GRIK5: variants seen among roughly 807,000 people sequenced by gnomAD.
GRIK5 encodes the protein glutamate ionotropic receptor kainate type subunit 5.
GRIK5 carries 43 observed loss-of-function variants against 97.4 expected under a neutral mutation model. The ratio of observed to expected loss-of-function variants is 0.44; its 90% CI spans 0.35 to 0.57. GRIK5 has a LOEUF of 0.57. Among genes scored for constraint, GRIK5 ranks in the 20% least tolerant of loss-of-function variants. GRIK5 has a pLI of 0.01. For synonymous variants in GRIK5, 580 were observed against 583.5 expected, an observed-to-expected ratio of 0.99 and a Z score of 0.09; for missense variants, 1,015 against 1,382.0, an observed-to-expected ratio of 0.73 and a Z score of 4.21.
intron 12 of GRIK5, among the ~76,000 whole-genome samples, chr19:42,039,712 T>C (rs188893609): frequency 6.6e-6 from 1 of 152,034 alleles, no homozygotes; most frequent in East Asian, 1.9e-4. Flanking sequence ...ATAACAATAA[T>C]AAAAATAGTA....
At position 42,033,275 on chromosome 19, in the gene GRIK5, G is replaced by A. The variant is rs139406326; in HGVS notation, c.1473+9277C>T. 5.6e-3 allele frequency among the ~76,000 whole-genome samples: 784 copies of A among 139,558 alleles called. 10 individuals are homozygous for A. Among genetic ancestry groups the A allele is most frequent in the African/African-American group, 0.02 (754 of 36,856 alleles). 91.6% of individuals were successfully genotyped at this position (139,558 alleles called of 152,430 possible). A position where few individuals can be genotyped will look rare whatever the true frequency, so the allele number is the denominator to read the frequency against. On this transcript the variant is annotated intron_variant, in intron 12 of 19. Transcript: ENST00000593562. Reference sequence around the variant, plus strand: ...GGAGGCTGCAGTGAACCGAGATCATGCCACTGCACTCCAGCCTGGGCGAGA... The same window carrying A: ...GGAGGCTGCAGTGAACCGAGATCATACCACTGCACTCCAGCCTGGGCGAGA...
intron 15 of GRIK5, among the ~76,000 whole-genome samples, chr19:42,015,441 T>C (rs2075612746): frequency 1.3e-5 from 2 of 152,216 alleles, no homozygotes; most frequent in African/African-American, 4.8e-5. Flanking sequence ...ATTAAAGTCC[T>C]CTAGAGAATG....
Position 42,065,473 on chromosome 19 carries a change from G to C in GRIK5, c.80-86C>G. 7.2e-7 allele frequency: 1 copy of C among 1,386,434 alleles called. No individual in the cohort carries two copies. The highest frequency in any genetic ancestry group is 2.2e-5 in the Admixed American group (1 of 45,670). 85.9% of individuals were successfully genotyped at this position (1,386,434 alleles called of 1,614,324 possible). ...GTCTTAGACTCCAGGGCTCTAGGGT[G>C]AGGTGGGTATACGGACCAGGGGTCT... is the stretch of plus-strand genomic sequence containing the variant. On this transcript the variant is annotated intron_variant, in intron 2 of 19. Coordinates refer to ENST00000593562, the MANE Select transcript of GRIK5 (RefSeq NM_002088.5). The surrounding 1 kb of genome is among the most constrained non-coding windows in gnomAD (Gnocchi z 5.8).
chr19:42,057,543 T>A (rs997956927), intron 6 of GRIK5, among the ~76,000 whole-genome samples: 4 of 152,074 alleles, frequency 2.6e-5, no homozygotes, highest in Admixed American at 6.5e-5. Flanking sequence ...GCTAATTTTT[T>A]AAAAATTGTT....
chr19:42,060,367 C>T (rs1242677617), intron 5 of GRIK5, among the ~76,000 whole-genome samples: 1 of 152,072 alleles, frequency 6.6e-6, no homozygotes, highest in African/African-American at 2.4e-5. Context: ...GCAACAAACA[C>T]CGCAAATAAA....
chr19:42,045,572 T>C (rs1164816516), intron 11 of GRIK5, among the ~76,000 whole-genome samples: 6 of 152,152 alleles, frequency 3.9e-5, no homozygotes, highest in Non-Finnish European at 7.4e-5. Flanking sequence ...TAGAATCTCC[T>C]ACTATGTGGC....
Position 42,062,445 on chromosome 19 carries a change from G to C in GRIK5, c.508+43C>G, listed in dbSNP as rs2076270845. 6.2e-7 allele frequency: 1 copy of C among 1,601,820 alleles called. No homozygotes were observed. Among genetic ancestry groups the C allele is most frequent in the African/African-American group, 1.3e-5 (1 of 74,700 alleles). On this transcript the variant is annotated intron_variant, in intron 5 of 19. Transcript: ENST00000593562. This position sits in a 1 kb window ranked among gnomAD's most constrained non-coding sequence, Gnocchi z 5.3. ...GGGACACCAGATCTCTTGGGAAGGG[G>C]TGTCTGGGGGAACAGAAAACAAAAC...
intron 15 of GRIK5, among the ~76,000 whole-genome samples, chr19:42,016,858 C>T (rs982078131): frequency 2.6e-5 from 4 of 152,036 alleles, no homozygotes; most frequent in Non-Finnish European, 5.9e-5. Context: ...CCGGATAATT[C>T]GAGGCCTGGT....
intron 17 of GRIK5, among the ~76,000 whole-genome samples, chr19:42,004,077 A>G (rs1489736273): frequency 3.3e-5 from 5 of 152,174 alleles, no homozygotes; most frequent in Non-Finnish European, 7.3e-5. Context: ...TCCGCACTTC[A>G]TCCAGGTCTC....
At chr19:42,015,890 A>G (rs1369747238) in intron 15 of GRIK5, among the ~76,000 whole-genome samples, 1 of 152,120 alleles carries the variant, frequency 6.6e-6, no homozygotes, top group East Asian at 1.9e-4. Context: ...CCACCCTCAC[A>G]TTCCCAGCAC....
At chr19:42,053,158 G>T (rs1322981498) in intron 11 of GRIK5, among the ~76,000 whole-genome samples, 1 of 152,174 alleles carries the variant, frequency 6.6e-6, no homozygotes. Flanking sequence ...CAAGACTCAG[G>T]CTCTGAAGGA....
chr19:42,040,471 G>A (rs1470367680), intron 12 of GRIK5, among the ~76,000 whole-genome samples: 2 of 152,236 alleles, frequency 1.3e-5, no homozygotes, highest in African/African-American at 4.8e-5. Flanking sequence ...CAGGTCACGA[G>A]GAAGCCTGTG....
Position 42,065,225 on chromosome 19 carries a change from GT to G in GRIK5, c.241del (p.Thr81ProfsTer26). ...QRDSQYETTD[T>X]MCQILPKGVV... ...CACGCCCCCATGGCCCCGCTCACTG[GT>G]GTCCGTGGTCTCGTACTGGCTGTCC... is the stretch of plus-strand genomic sequence containing the variant. On this transcript the variant is annotated frameshift_variant, in exon 3 of 20. Transcript: ENST00000593562. LOFTEE classifies it high-confidence loss of function. The surrounding 1 kb of genome is among the most constrained non-coding windows in gnomAD (Gnocchi z 5.8). 1 of 1,608,980 alleles carries G rather than the reference GT, an allele frequency of 6.2e-7. No homozygotes were observed. The highest frequency in any genetic ancestry group is 8.5e-7 in the Non-Finnish European group (1 of 1,176,914).
At chr19:42,067,025 C>T (rs996886374) in intron 1 of GRIK5, among the ~76,000 whole-genome samples, 3 of 152,212 alleles carry the variant, frequency 2.0e-5, no homozygotes, top group Non-Finnish European at 4.4e-5. Flanking sequence ...CCTCTAGGCA[C>T]CCCAGCTTTC....
At chr19:42,028,372 T>C (rs1448135760) in intron 12 of GRIK5, among the ~76,000 whole-genome samples, 1 of 152,176 alleles carries the variant, frequency 6.6e-6, no homozygotes, top group Non-Finnish European at 1.5e-5. Context: ...TAAACCATAT[T>C]CCTGCTTTGC....
Position 42,022,026 on chromosome 19 carries a change from C to G in GRIK5, c.1618G>C (p.Asp540His). 6.2e-7 allele frequency: 1 copy of G among 1,613,770 alleles called. No individual in the cohort carries two copies. The highest frequency in any genetic ancestry group is 8.5e-7 in the Non-Finnish European group (1 of 1,179,726). The change falls in exon 14 of 20, where the codon GAC becomes CAC. Residue 540 changes from aspartate to histidine, a missense_variant. By Grantham distance (81) the Asp-to-His change is moderately conservative. Transcript: ENST00000593562. This position sits in a 1 kb window ranked among gnomAD's most constrained non-coding sequence, Gnocchi z 4.2. ...AGCCACACAGCAGGGGAGAAGGGGT[C>G]CAGGAAGGAGAAGTAGCCAGGCTTG... Reference protein sequence around the residue: ...GRKPGYFSFLDPFSPAVWLFM... With the variant: ...GRKPGYFSFLHPFSPAVWLFM...
intron 6 of GRIK5, among the ~76,000 whole-genome samples, chr19:42,058,498 A>T (rs1409591622): frequency 2.9e-5 from 4 of 136,416 alleles, no homozygotes; most frequent in East Asian, 2.1e-4. Context: ...GGTTTTAATT[A>T]AAAAAAAAAA....
Position 41,998,968 on chromosome 19 carries a change from G to A in GRIK5, c.2846C>T (p.Ala949Val). ...GGGGACGCCCAGGCCACGCGGAGGC[G>A]CGCCGGCCCCCGAGGCCCGCAGCGC... is the stretch of plus-strand genomic sequence containing the variant. ...IQALRASGAG[A>V]PPRGLGVPAE... is the part of the protein sequence containing the mutation. The change falls in exon 20 of 20, where the codon GCG (alanine) becomes GTG (valine). Residue 949 changes from alanine to valine, a missense_variant. Ala to Val is a moderately conservative substitution (Grantham distance 64). Transcript: ENST00000593562. The A allele has an allele frequency of 1.7e-6, 2 of 1,163,354 alleles. No individual in the cohort carries two copies. The highest frequency in any genetic ancestry group is 3.1e-5 in the South Asian group (1 of 32,750). 72.1% of individuals were successfully genotyped at this position (1,163,354 alleles called of 1,614,324 possible). A position where few individuals can be genotyped will look rare whatever the true frequency, so the allele number is the denominator to read the frequency against.
At chr19:42,056,562 C>T (rs889280633) in intron 8 of GRIK5, 100 bp downstream of exon 8, 39 of 1,025,222 alleles carry the variant, frequency 3.8e-5, no homozygotes, top group Admixed American at 1.0e-4. Flanking sequence ...TCAGGGAGGG[C>T]GAGAGGGTTC....
Sources: allele counts gnomAD v4.1 joint callset (sites outside exome capture counted in the v4.1 genomes callset), GRCh38; gene constraint gnomAD v4.1.1; non-coding constraint Gnocchi (gnomAD v3.1); transcripts MANE v1.5; gene names NCBI Gene and HGNC (gene_info 2026-07-23, HGNC 2026-07-21).